ZCCHC17: variants seen among roughly 807,000 people sequenced by gnomAD.
ZCCHC17 encodes zinc finger CCHC-type containing 17.
Under a neutral mutation model 30.6 loss-of-function variants are expected in ZCCHC17, and 18 were observed. The observed-to-expected ratio is 0.59, with a 90% CI of 0.41 to 0.87. ZCCHC17 has a LOEUF of 0.87. Ranked by LOEUF, ZCCHC17 falls within the 40% of genes least tolerant of loss-of-function variation. The probability of loss-of-function intolerance (pLI) is 0.00; values close to 1 mark genes in which losing one functional copy is unlikely to be tolerated. For synonymous variants in ZCCHC17, 88 were observed against 92.4 expected (o/e 0.95, Z 0.27); for missense variants, 263 against 284.2 (o/e 0.93, Z 0.54).
chr1:31,360,538 G>A (rs769001016), intron 7 of ZCCHC17, among the ~76,000 whole-genome samples: 50 of 152,192 alleles, frequency 3.3e-4, no homozygotes, highest in African/African-American at 1.1e-3. Flanking sequence ...GGAAAATGAC[G>A]CCATTTGCTG....
intron 2 of ZCCHC17, chr1:31,318,067 C>T: frequency 4.3e-6 from 4 of 929,482 alleles, no homozygotes; most frequent in Non-Finnish European, 6.2e-6. Flanking sequence ...AAGGATTATG[C>T]AAAGCATTTT....
At chr1:31,305,264 A>T (rs1472148211) in intron 1 of ZCCHC17, among the ~76,000 whole-genome samples, 1 of 151,270 alleles carries the variant, frequency 6.6e-6, no homozygotes, top group Non-Finnish European at 1.5e-5. Flanking sequence ...TAGATATTTC[A>T]GAGTTGACTT....
chr1:31,338,998 T>G lies in ZCCHC17; in HGVS notation c.267T>G (p.Val89=). The G allele has an allele frequency of 6.2e-7, 1 of 1,612,950 alleles. No individual in the cohort carries two copies. The highest frequency in any genetic ancestry group is 8.5e-7 in the Non-Finnish European group (1 of 1,179,736). Residue 89 remains valine, a synonymous_variant, in exon 5 of 8, where the codon GTT becomes GTG. Transcript: ENST00000344147. ...TAAAAGTATCCCTCTCCATGAAGGTTGTCAATCAAGGGACTGGGAAAGACC... is the reference window on the plus strand; with the variant it reads ...TAAAAGTATCCCTCTCCATGAAGGTGGTCAATCAAGGGACTGGGAAAGACC... ...DRIKVSLSMK[V]VNQGTGKDLD...
chr1:31,319,222 C>T lies in ZCCHC17; in HGVS notation c.124+56C>T, dbSNP rs566386578. 1.3e-5 allele frequency: 18 copies of T among 1,405,492 alleles called. No homozygotes were observed. In the African/African-American group the frequency reaches 2.4e-4, roughly 19 times the overall value. The allele number at this position is 1,405,492 out of a possible 1,614,324, so 87.1% of individuals were successfully genotyped here. A position where few individuals can be genotyped will look rare whatever the true frequency, so the allele number is the denominator to read the frequency against. ...CTGATTCTACTCTCTGCTAACACTC[C>T]ACCACCTCCTAATTATAGGCTGTAC... On this transcript the variant is annotated intron_variant, in intron 3 of 7. Transcript: ENST00000344147.
intron 1 of ZCCHC17, chr1:31,297,289 C>A (rs781204452): frequency 2.0e-5 from 8 of 397,102 alleles, no homozygotes; most frequent in Non-Finnish European, 3.5e-5. Flanking sequence ...CCAGCCCCTG[C>A]GGCTCCCTTC....
At chr1:31,338,908 C>G (rs561954576) in intron 4 of ZCCHC17, 49 bp from the exon 5 acceptor site, 1 of 1,291,278 alleles carries the variant, frequency 7.7e-7, no homozygotes, top group Non-Finnish European at 1.1e-6. Flanking sequence ...GACTGGCCAT[C>G]TAAATGATGT....
intron 7 of ZCCHC17, among the ~76,000 whole-genome samples, chr1:31,357,391 A>G (rs1364157661): frequency 6.6e-6 from 1 of 151,892 alleles, no homozygotes. Context: ...TTCCTTTAAG[A>G]CTCTTCACAA....
intron 7 of ZCCHC17, among the ~76,000 whole-genome samples, chr1:31,361,526 G>C (rs1639893021): frequency 6.6e-6 from 1 of 152,218 alleles, no homozygotes; most frequent in Non-Finnish European, 1.5e-5. Context: ...TTAAGTTGCA[G>C]AGCTAGAATT....
At chr1:31,301,717 G>A (rs1051602039) in intron 1 of ZCCHC17, among the ~76,000 whole-genome samples, 1 of 152,216 alleles carries the variant, frequency 6.6e-6, no homozygotes, top group African/African-American at 2.4e-5. Flanking sequence ...TGGCCTAAGA[G>A]TAATAGGTTT....
intron 3 of ZCCHC17, among the ~76,000 whole-genome samples, chr1:31,323,495 G>A (rs955935288): frequency 1.3e-5 from 2 of 151,996 alleles, no homozygotes; most frequent in African/African-American, 4.8e-5. Context: ...CTAATTTTTT[G>A]TATTTTTAGT....
intron 3 of ZCCHC17, among the ~76,000 whole-genome samples, chr1:31,331,421 CAGGCGTG>C (rs897879216): frequency 6.6e-6 from 1 of 152,074 alleles, no homozygotes; most frequent in Admixed American, 6.5e-5. Context: ...GCTGGGATTA[CAGGCGTG>C]AGCCAGCGTG....
At position 31,362,756 on chromosome 1, in the gene ZCCHC17, G is replaced by C. The variant is rs1639962829; in HGVS notation, c.565-1276G>C. 2.6e-5 allele frequency among the ~76,000 whole-genome samples: 4 copies of C among 152,290 alleles called. No individual in the cohort carries two copies. The South Asian group carries it at 8.3e-4, about 32-fold the overall frequency. Reference sequence around the variant, plus strand: ...ACTCCTATTCTTTGACCTTGGATATGTGAGTCACTGTTTCTAGATAGACTG... The same window carrying C: ...ACTCCTATTCTTTGACCTTGGATATCTGAGTCACTGTTTCTAGATAGACTG... On this transcript the variant is annotated intron_variant, in intron 7 of 7. Coordinates refer to ENST00000344147, the MANE Select transcript of ZCCHC17 (RefSeq NM_016505.4).
intron 2 of ZCCHC17, among the ~76,000 whole-genome samples, chr1:31,310,777 T>G (rs951825659): frequency 6.6e-6 from 1 of 152,220 alleles, no homozygotes; most frequent in Non-Finnish European, 1.5e-5. Context: ...ACTCAAAAAA[T>G]TGTTTCTCTT....
At chr1:31,305,699 T>A (rs577190520) in intron 1 of ZCCHC17, among the ~76,000 whole-genome samples, 1 of 152,122 alleles carries the variant, frequency 6.6e-6, no homozygotes, top group Non-Finnish European at 1.5e-5. Context: ...ACCTCAGCCT[T>A]CCAAAGTGCT....
At chr1:31,328,267 A>C (rs1638438328) in intron 3 of ZCCHC17, among the ~76,000 whole-genome samples, 1 of 152,102 alleles carries the variant, frequency 6.6e-6, no homozygotes, top group South Asian at 2.1e-4. Context: ...TAATTTCAGC[A>C]CTTTGGGAGG....
At chr1:31,360,232 C>T (rs1639821686) in intron 7 of ZCCHC17, among the ~76,000 whole-genome samples, 1 of 149,986 alleles carries the variant, frequency 6.7e-6, no homozygotes, top group African/African-American at 2.5e-5. Flanking sequence ...TGCAGTGGCG[C>T]GATCTTGGCT....
intron 5 of ZCCHC17, among the ~76,000 whole-genome samples, chr1:31,339,576 G>A (rs1331034740): frequency 6.6e-6 from 1 of 152,178 alleles, no homozygotes; most frequent in Non-Finnish European, 1.5e-5. Flanking sequence ...AAGATGAAAC[G>A]TTAACGTACC....
intron 7 of ZCCHC17, among the ~76,000 whole-genome samples, chr1:31,356,716 G>A (rs1639654558): frequency 6.6e-6 from 1 of 152,136 alleles, no homozygotes; most frequent in Admixed American, 6.5e-5. Flanking sequence ...GCCTTCCCAC[G>A]TCTTTTCATT....
intron 2 of ZCCHC17, among the ~76,000 whole-genome samples, chr1:31,313,776 A>G (rs1328977928): frequency 1.3e-5 from 2 of 152,174 alleles, no homozygotes; most frequent in Non-Finnish European, 2.9e-5. Context: ...AAGAAAGGGA[A>G]GAACACTCTG....
Sources: allele counts gnomAD v4.1 joint callset (sites outside exome capture counted in the v4.1 genomes callset), GRCh38; gene constraint gnomAD v4.1.1; transcripts MANE v1.5; gene names NCBI Gene and HGNC (gene_info 2026-07-23, HGNC 2026-07-21).